ALDH1A3: variants seen among roughly 807,000 people sequenced by gnomAD.
ALDH1A3 encodes aldehyde dehydrogenase 1 family member A3.
Under a neutral mutation model 57.5 loss-of-function variants are expected in ALDH1A3, and 28 were observed. That is an observed-to-expected ratio of 0.49 (90% CI 0.36 to 0.67). ALDH1A3 has a LOEUF of 0.67. ALDH1A3 is among the 30% of genes least tolerant of loss of function. The pLI is 0.00. For synonymous variants in ALDH1A3, 281 were observed against 264.8 expected, an observed-to-expected ratio of 1.06 and a Z score of -0.59; for missense variants, 507 against 669.4, an observed-to-expected ratio of 0.76 and a Z score of 2.68.
At chr15:100,890,250 G>A (rs954107606) in intron 3 of ALDH1A3, among the ~76,000 whole-genome samples, 1 of 152,192 alleles carries the variant, frequency 6.6e-6, no homozygotes, top group Admixed American at 6.5e-5. Flanking sequence ...GGGTTCTGAT[G>A]TGTTAATTTC....
intron 3 of ALDH1A3, chr15:100,892,285 C>T: frequency 1.8e-6 from 1 of 558,896 alleles, no homozygotes; most frequent in East Asian, 3.7e-5. Flanking sequence ...GCCCACCACC[C>T]TGCAGCCCAC....
Position 100,889,579 on chromosome 15 carries a change from G to C in ALDH1A3, c.345+1867G>C, listed in dbSNP as rs945486680. ...TTCACCCGGCATGAGCTCATCGGTC[G>C]GCAATGTCCGTGTGGACTAATAGCA... On this transcript the variant is annotated intron_variant, in intron 3 of 12. Transcript: ENST00000329841. The surrounding 1 kb of genome is among the most constrained non-coding windows in gnomAD (Gnocchi z 5.1). 6.6e-6 allele frequency among the ~76,000 whole-genome samples: 1 copy of C among 152,200 alleles called. No homozygotes were observed. The highest frequency in any genetic ancestry group is 6.5e-5 in the Admixed American group (1 of 15,290).
chr15:100,897,952 TG>T, intron 7 of ALDH1A3, 130 bp from the exon 8 acceptor site: 1 of 726,088 alleles, frequency 1.4e-6, no homozygotes, highest in Non-Finnish European at 2.4e-6. Flanking sequence ...CATCGGGGCC[TG>T]GAGCGCCTGG....
chr15:100,901,452 C>G (rs911371139), intron 9 of ALDH1A3, among the ~76,000 whole-genome samples: 1 of 152,170 alleles, frequency 6.6e-6, no homozygotes, highest in Admixed American at 6.5e-5. Flanking sequence ...CCTGCCCCAG[C>G]CATGAAATTT....
intron 9 of ALDH1A3, among the ~76,000 whole-genome samples, chr15:100,904,814 A>G (rs1257089632): frequency 6.6e-6 from 1 of 152,192 alleles, no homozygotes; most frequent in Non-Finnish European, 1.5e-5. Flanking sequence ...AGTCTTTCTC[A>G]TGAGCTGTTC....
At chr15:100,880,302 C>A (rs1217314113) in intron 1 of ALDH1A3, 2 of 376,802 alleles carry the variant, frequency 5.3e-6, no homozygotes, top group Non-Finnish European at 9.4e-6. Flanking sequence ...CGTGTCCCTG[C>A]GCTGCCCGCT....
chr15:100,913,351 C>T (rs1268636592), intron 12 of ALDH1A3: 1 of 152,246 alleles, frequency 6.6e-6, no homozygotes, highest in East Asian at 1.9e-4. Context: ...TCAAGGGCTT[C>T]ATTCCTTTTT....
rs2041675474 is a variant in ALDH1A3 at position 100,893,887 on chromosome 15, C to T, written c.538-67C>T. ...AAGCAAGTGTCCTCCACAAAGGCAT[C>T]GTTGAGCACATGGGACAGGGTAAGA... On this transcript the variant is annotated intron_variant, in intron 5 of 12. Coordinates refer to ENST00000329841, the MANE Select transcript of ALDH1A3 (RefSeq NM_000693.4). This position sits in a 1 kb window ranked among gnomAD's most constrained non-coding sequence, Gnocchi z 4.8. 6 of 1,560,678 alleles carry T rather than the reference C, an allele frequency of 3.8e-6. No individual in the cohort carries two copies. Among genetic ancestry groups the T allele is most frequent in the African/African-American group, 1.4e-5 (1 of 72,892 alleles).
In ALDH1A3 at chr15:100,908,805, T is replaced by C. The variant is rs533171411; in HGVS notation, c.1466+323T>C. Among the ~76,000 whole-genome samples, 15 of 152,296 alleles carry C rather than the reference T, an allele frequency of 9.8e-5. No individual in the cohort carries two copies. The East Asian group carries it at 2.9e-3, about 29-fold the overall frequency. On this transcript the variant is annotated intron_variant, in intron 12 of 12. Transcript: ENST00000329841. ...CACAGGCAGAACTGAAAAAGTGTAC[T>C]TTTGCCAGATGTGGGGTGTCATTAT...
rs889467427 is a variant in ALDH1A3 at position 100,906,921 on chromosome 15, A to C, written c.1234-200A>C. ...TGTTATTATTTTTTATTTTTGTTTC[A>C]TGTTAATCCTTCCCTTCAGTCTCCA... On this transcript the variant is annotated intron_variant, in intron 10 of 12. Transcript: ENST00000329841. This position sits in a 1 kb window ranked among gnomAD's most constrained non-coding sequence, Gnocchi z 4.8. 6.6e-6 allele frequency among the ~76,000 whole-genome samples: 1 copy of C among 152,172 alleles called. No individual in the cohort carries two copies. The highest frequency in any genetic ancestry group is 2.4e-5 in the African/African-American group (1 of 41,440).
intron 1 of ALDH1A3, 98 bp from the exon 2 acceptor site, chr15:100,885,169 T>G (rs1596205020): frequency 1.2e-6 from 1 of 824,284 alleles, no homozygotes; most frequent in Non-Finnish European, 2.0e-6. Flanking sequence ...GAGAGGAAGG[T>G]GGACAAGATG....
At chr15:100,904,792 A>G (rs949101239) in intron 9 of ALDH1A3, among the ~76,000 whole-genome samples, 1 of 152,220 alleles carries the variant, frequency 6.6e-6, no homozygotes. Flanking sequence ...TAGACAAGAT[A>G]GCAAAAGGGA....
intron 7 of ALDH1A3, among the ~76,000 whole-genome samples, chr15:100,896,812 T>C (rs2041708896): frequency 6.6e-6 from 1 of 152,256 alleles, no homozygotes; most frequent in South Asian, 2.1e-4. Context: ...CAAGGAAAGC[T>C]GTCCATGATC....
intron 12 of ALDH1A3, among the ~76,000 whole-genome samples, chr15:100,910,274 G>A (rs12914598): frequency 0.16 from 24,550 of 152,246 alleles, 2,576 homozygotes; most frequent in East Asian, 0.44. Flanking sequence ...GTAATTGTTG[G>A]CCATGAAACC....
intron 1 of ALDH1A3, chr15:100,880,436 G>T: frequency 2.8e-6 from 1 of 363,008 alleles, no homozygotes. Context: ...AGGGTCGGAG[G>T]GTCCGAGAGC....
At chr15:100,886,487 C>T (rs1484474565) in intron 2 of ALDH1A3, among the ~76,000 whole-genome samples, 1 of 152,176 alleles carries the variant, frequency 6.6e-6, no homozygotes, top group Non-Finnish European at 1.5e-5. Context: ...CACCCCAGAG[C>T]CTGGGAGAAG....
rs1029965569 is a variant in ALDH1A3, at chr15:100,913,280, A to G, written c.1467-1421A>G. 9.2e-5 allele frequency: 14 copies of G among 152,366 alleles called. No homozygotes were observed. The East Asian group carries it at 2.7e-3, about 29-fold the overall frequency. 9.4% of individuals were successfully genotyped at this position (152,366 alleles called of 1,614,324 possible). A position where few individuals can be genotyped will look rare whatever the true frequency, so the allele number is the denominator to read the frequency against. On this transcript the variant is annotated intron_variant, in intron 12 of 12. Coordinates refer to ENST00000329841, the MANE Select transcript of ALDH1A3 (RefSeq NM_000693.4). ...ATAACATCAGTGGCTTAAATAACAT[A>G]AATCTATTATCTTATAGTTCTGTAG...
Position 100,914,762 on chromosome 15 carries a change from A to G in ALDH1A3, c.1528A>G (p.Lys510Glu). The change falls in exon 13 of 13, where the codon AAG becomes GAG. Residue 510 changes from lysine (K) to glutamate (E), a missense_variant. Around this residue, in one of 2 missense-constraint regions of ALDH1A3, gnomAD observed 432 missense variants for 608.4 expected, o/e 0.71. Transcript: ENST00000329841. The part of the protein sequence containing the change: ...VKTVTIKLGD[K>E]NP ...AACTGTCACCATCAAACTTGGCGAC[A>G]AGAACCCCTGAAGGAAAGGCGGGGC... The G allele has an allele frequency of 6.2e-7, 1 of 1,614,124 alleles. No homozygotes were observed. Among genetic ancestry groups the G allele is most frequent in the Non-Finnish European group, 8.5e-7 (1 of 1,180,026 alleles).
chr15:100,898,146 G>A lies in ALDH1A3; in HGVS notation c.844G>A (p.Gly282Arg), dbSNP rs767109721. ...TCTGAAGCGGGTGACGCTGGAGCTG[G>A]GGGGGAAGAACCCCTGCATCGTGTG... Reference protein sequence around the residue: ...SNLKRVTLELGGKNPCIVCAD... With the variant: ...SNLKRVTLELRGKNPCIVCAD... The change falls in exon 8 of 13, where the codon GGG (glycine) becomes AGG (arginine). Residue 282 changes from glycine (G) to arginine (R), a missense_variant. By Grantham distance (125) the Gly-to-Arg change is moderately radical. Transcript: ENST00000329841. 21 of 1,614,064 alleles carry A rather than the reference G, an allele frequency of 1.3e-5. No individual in the cohort carries two copies. The highest frequency in any genetic ancestry group is 1.7e-5 in the Admixed American group (1 of 60,006).
Sources: gnomAD v4.1 joint callset for allele counts (sites outside exome capture counted in the v4.1 genomes callset) on GRCh38, gnomAD v4.1.1 for gene constraint, gnomAD v4.1.1 regional missense constraint, Gnocchi (gnomAD v3.1) non-coding constraint, MANE v1.5 for transcripts, NCBI Gene and HGNC (gene_info 2026-07-23, HGNC 2026-07-21) for gene names.